The following SPATA6L variants were observed in gnomAD, a reference collection of about 807,000 sequenced individuals.
The protein encoded by SPATA6L is spermatogenesis associated 6-like protein.
A neutral mutation model predicts 49.2 loss-of-function variants in SPATA6L; 68 were observed. That is an observed-to-expected ratio of 1.38 (90% CI 1.14 to 1.69). The LOEUF is 1.69. Ranked by LOEUF, SPATA6L falls within the 40% of genes most tolerant of loss-of-function variation. The pLI, the probability that SPATA6L is intolerant of heterozygous loss-of-function variation, is 0.00. For synonymous variants in SPATA6L, 198 were observed against 165.7 expected (o/e 1.19, Z -1.50); for missense variants, 668 against 464.3 (o/e 1.44, Z -4.03).
rs550508264 is a variant in SPATA6L, at chr9:4,617,814, G to A, written c.995+109C>T. On this transcript the variant is annotated intron_variant, in intron 9 of 11. Coordinates refer to ENST00000682582, the MANE Select transcript of SPATA6L (RefSeq NM_001353486.2). ...AATAATCATTTTTTCATATCAAGGT[G>A]TCACCAGCTGAATATTCCTAAGAAA... The A allele has an allele frequency of 4.7e-5, 41 of 871,508 alleles. 1 individual carries two copies. In the South Asian group the frequency reaches 9.2e-4, roughly 20 times the overall value. The allele number at this position is 871,508 out of a possible 1,614,324, so 54.0% of individuals were successfully genotyped here.
chr9:4,655,530 T>C (rs1487524970), intron 3 of SPATA6L, among the ~76,000 whole-genome samples: 2 of 151,638 alleles, frequency 1.3e-5, no homozygotes, highest in African/African-American at 4.9e-5. Context: ...AGCCCATCTA[T>C]ATTTAGTTTT....
At chr9:4,651,877 T>G (rs577577212) in intron 3 of SPATA6L, among the ~76,000 whole-genome samples, 1 of 152,218 alleles carries the variant, frequency 6.6e-6, no homozygotes, top group African/African-American at 2.4e-5. Context: ...GCTTTTTCCC[T>G]ACTATCAGGA....
At chr9:4,663,808 T>C (rs1840424121) in intron 1 of SPATA6L, 1 of 167,060 alleles carries the variant, frequency 6.0e-6, no homozygotes, top group Non-Finnish European at 1.5e-5. Flanking sequence ...AGATTTCTTC[T>C]TAATCCTGAT....
chr9:4,661,961 C>G lies in SPATA6L; in HGVS notation c.115G>C (p.Glu39Gln), dbSNP rs1839887991. The G allele has an allele frequency of 2.5e-6, 4 of 1,614,040 alleles. No individual in the cohort carries two copies. The highest frequency in any genetic ancestry group is 2.5e-6 in the Non-Finnish European group (3 of 1,179,958). ...AACGCAGAGGGAAAGCTGTTGGTCT[C>G]CAGGTACTGATTCATGAGGTAGACC... ...LGVYLMNQYLETNSFPSAFPI... is the reference protein window; with the variant it reads ...LGVYLMNQYLQTNSFPSAFPI... The change falls in exon 2 of 12, where the codon GAG becomes CAG. Residue 39 changes from glutamate to glutamine, a missense_variant. Transcript: ENST00000682582.
Position 4,622,484 on chromosome 9 carries a change from C to T in SPATA6L, c.696G>A (p.Glu232=). ...RHVDSAKPFG[E]NISEHHLRRS... is the part of the protein sequence containing the mutation. ...TCCTCAAATGATGCTCTGAAATATT[C>T]TCACCAAAGGGCTTTGCACTGTCCA... The change falls in exon 7 of 12, where the codon GAG becomes GAA. Residue 232 remains glutamate (E), a synonymous_variant. Transcript: ENST00000682582. The T allele has an allele frequency of 1.9e-6, 3 of 1,613,450 alleles. No individual in the cohort carries two copies. Among genetic ancestry groups the T allele is most frequent in the South Asian group, 2.2e-5 (2 of 91,068 alleles).
At chr9:4,653,892 G>A (rs916613929) in intron 3 of SPATA6L, among the ~76,000 whole-genome samples, 9 of 152,200 alleles carry the variant, frequency 5.9e-5, no homozygotes, top group African/African-American at 2.2e-4. Flanking sequence ...AGCTATGATC[G>A]TGCCACTGCA....
chr9:4,639,728 G>A (rs747839600), intron 3 of SPATA6L, among the ~76,000 whole-genome samples: 4 of 152,154 alleles, frequency 2.6e-5, no homozygotes, highest in Non-Finnish European at 5.9e-5. Flanking sequence ...TGGCATCAAC[G>A]AACTTCTCCC....
chr9:4,622,405 T>C lies in SPATA6L; in HGVS notation c.772+3A>G. On this transcript the variant is annotated splice_donor_region_variant and intron_variant, in intron 7 of 11. Transcript: ENST00000682582. Reference sequence around the variant, plus strand: ...GTACAGGAGTAACAAGAAACTCGAGTACCTCTTCTCGTTGGAAACGGAAAG... The same window carrying C: ...GTACAGGAGTAACAAGAAACTCGAGCACCTCTTCTCGTTGGAAACGGAAAG... 6.3e-7 allele frequency: 1 copy of C among 1,587,776 alleles called. No individual in the cohort carries two copies. Among genetic ancestry groups the C allele is most frequent in the Non-Finnish European group, 8.6e-7 (1 of 1,156,358 alleles).
chr9:4,661,536 AAC>A (rs542578777), intron 2 of SPATA6L, among the ~76,000 whole-genome samples: 141 of 151,968 alleles, frequency 9.3e-4, no homozygotes, highest in African/African-American at 3.3e-3. Context: ...TTCTTGGTCT[AAC>A]ACAGTTTTTT....
chr9:4,647,307 C>T (rs301473), intron 3 of SPATA6L, among the ~76,000 whole-genome samples: 95,703 of 152,038 alleles, frequency 0.63, 32,059 homozygotes, highest in African/African-American at 0.87. Context: ...TATAACTTTT[C>T]AAGGCCAGGC....
chr9:4,646,083 C>A (rs971156766), intron 3 of SPATA6L, among the ~76,000 whole-genome samples: 1 of 151,890 alleles, frequency 6.6e-6, no homozygotes, highest in East Asian at 1.9e-4. Flanking sequence ...AGTTTACCAA[C>A]CCTGTTCTAG....
intron 10 of SPATA6L, among the ~76,000 whole-genome samples, chr9:4,604,993 G>A (rs1824375817): frequency 6.6e-6 from 1 of 152,152 alleles, no homozygotes; most frequent in Non-Finnish European, 1.5e-5. Flanking sequence ...TCCCTGGACT[G>A]GGATTCATGT....
At chr9:4,666,100 T>C (rs923568013) in intron 1 of SPATA6L, 112 bp downstream of exon 1, 1 of 943,684 alleles carries the variant, frequency 1.1e-6, no homozygotes, top group African/African-American at 1.6e-5. Flanking sequence ...TCCCAGAAGA[T>C]AATGATGTGT....
intron 3 of SPATA6L, 81 bp from the exon 4 acceptor site, chr9:4,635,480 G>T: frequency 7.3e-7 from 1 of 1,374,678 alleles, no homozygotes; most frequent in Non-Finnish European, 9.7e-7. Flanking sequence ...GCAGATGATG[G>T]CAGAGATGGC....
chr9:4,649,703 C>G (rs916764893), intron 3 of SPATA6L, among the ~76,000 whole-genome samples: 1 of 152,162 alleles, frequency 6.6e-6, no homozygotes, highest in Admixed American at 6.5e-5. Context: ...TTTTAATTGC[C>G]TTCTGGAATG....
In SPATA6L at chr9:4,618,048, T is replaced by C; in HGVS notation, c.870A>G (p.Ser290=). The change falls in exon 9 of 12, where the codon TCA becomes TCG. Residue 290 remains serine (S), a synonymous_variant. Transcript: ENST00000682582. ...LRSDSSSCLD[S]SQFGKSSSSK... is the part of the protein sequence containing the mutation. ...TGGATGAAGACTTTCCAAACTGACT[T>C]GAATCTAAACATGATGATGAGTCAC... The C allele has an allele frequency of 3.1e-6, 5 of 1,614,054 alleles. No homozygotes were observed. Among genetic ancestry groups the C allele is most frequent in the Non-Finnish European group, 4.2e-6 (5 of 1,179,986 alleles).
At chr9:4,638,374 G>A (rs1049409492) in intron 3 of SPATA6L, among the ~76,000 whole-genome samples, 2 of 152,082 alleles carry the variant, frequency 1.3e-5, no homozygotes, top group Non-Finnish European at 2.9e-5. Flanking sequence ...CACCAAGCCT[G>A]GCTAATTTTT....
chr9:4,596,684 A>G (rs577907874), downstream of SPATA6L, among the ~76,000 whole-genome samples: 1 of 152,324 alleles, frequency 6.6e-6, no homozygotes, highest in South Asian at 2.1e-4. Context: ...AATTGTTCCA[A>G]CTTCTGTCAA....
At chr9:4,625,209 T>A (rs1830108591) in intron 6 of SPATA6L, 118 bp downstream of exon 6, 1 of 1,433,020 alleles carries the variant, frequency 7.0e-7, no homozygotes, top group Admixed American at 2.6e-5. Context: ...TTATTCAATT[T>A]GAAGTACCTT....
Sources: gnomAD v4.1 joint callset for allele counts (sites outside exome capture counted in the v4.1 genomes callset) on GRCh38, gnomAD v4.1.1 for gene constraint, MANE v1.5 for transcripts, NCBI Gene and HGNC (gene_info 2026-07-23, HGNC 2026-07-21) for gene names.